The following PHACTR3 variants were observed in gnomAD, a reference collection of about 807,000 sequenced individuals.
The protein encoded by PHACTR3 is protein phosphatase 1, regulatory subunit 123.
A neutral mutation model predicts 66.8 loss-of-function variants in PHACTR3; 16 were observed. The observed-to-expected ratio is 0.24, with a 90% confidence interval of 0.16 to 0.36. The LOEUF is 0.36. Ranked by LOEUF, PHACTR3 falls within the 10% of genes least tolerant of loss-of-function variation. The pLI is 1.00. For missense variants in PHACTR3, 647 were observed against 719.9 expected (o/e 0.90, Z 1.16); for synonymous variants, 323 against 292.1 (o/e 1.11, Z -1.08).
rs2042298910 is a variant in PHACTR3 at position 59,829,805 on chromosome 20, C to T, written c.1329-6700C>T. ...AGGAATTGCTTCTCAATTTCTGCTCCACACTGAGGTGACTTTAGATGTTGA... is the reference window on the plus strand; with the variant it reads ...AGGAATTGCTTCTCAATTTCTGCTCTACACTGAGGTGACTTTAGATGTTGA... On this transcript the variant is annotated intron_variant, in intron 8 of 12. Coordinates refer to ENST00000371015, the MANE Select transcript of PHACTR3 (RefSeq NM_080672.5). The surrounding 1 kb of genome is among the most constrained non-coding windows in gnomAD (Gnocchi z 4.2). 6.6e-6 allele frequency among the ~76,000 whole-genome samples: 1 copy of T among 152,266 alleles called. No homozygotes were observed. Among genetic ancestry groups the T allele is most frequent in the Non-Finnish European group, 1.5e-5 (1 of 68,052 alleles).
intron 1 of PHACTR3, among the ~76,000 whole-genome samples, chr20:59,649,943 G>A (rs2146447234): frequency 6.6e-6 from 1 of 152,228 alleles, no homozygotes. Flanking sequence ...ATTTTTATAA[G>A]TATGGAAATA....
chr20:59,774,322 G>T lies in PHACTR3; in HGVS notation c.1006G>T (p.Gly336Cys). The T allele has an allele frequency of 6.2e-7, 1 of 1,614,188 alleles. No homozygotes were observed. Among genetic ancestry groups the T allele is most frequent in the East Asian group, 2.2e-5 (1 of 44,878 alleles). The change falls in exon 7 of 13, where the codon GGC (glycine) becomes TGC (cysteine). Residue 336 changes from glycine to cysteine, a missense_variant. Coordinates refer to ENST00000371015, the MANE Select transcript of PHACTR3 (RefSeq NM_080672.5). ...GTCGAGAACGTCCAGCGTGGAGCGG[G>T]GCAAGGAGAGGGAGGAGGCTTGGAG... ...RLSRTSSVER[G>C]KEREEAWSFD...
At chr20:59,645,120 T>C (rs2035237630) in intron 1 of PHACTR3, among the ~76,000 whole-genome samples, 1 of 152,132 alleles carries the variant, frequency 6.6e-6, no homozygotes, top group Non-Finnish European at 1.5e-5. Context: ...AGGCAGTATT[T>C]GGTTTTCTAT....
At chr20:59,706,201 G>A (rs2037695736) in intron 1 of PHACTR3, among the ~76,000 whole-genome samples, 1 of 152,184 alleles carries the variant, frequency 6.6e-6, no homozygotes, top group African/African-American at 2.4e-5. Flanking sequence ...CTGGCCTGTA[G>A]TATCTGGATT....
chr20:59,707,007 A>G (rs150307535), intron 1 of PHACTR3, among the ~76,000 whole-genome samples: 16 of 152,364 alleles, frequency 1.1e-4, no homozygotes, highest in African/African-American at 3.6e-4. Context: ...ATTTGCATAA[A>G]GAATCTTTTA....
In PHACTR3 at chr20:59,830,735, C is replaced by A. The variant is rs1260331514; in HGVS notation, c.1329-5770C>A. ...TATTTAGTGTTCTCGACTCTCCCAG[C>A]ATCCCTGTGGGTTTTGTTGGCAGGT... is the stretch of plus-strand genomic sequence containing the variant. On this transcript the variant is annotated intron_variant, in intron 8 of 12. Coordinates refer to ENST00000371015, the MANE Select transcript of PHACTR3 (RefSeq NM_080672.5). The surrounding 1 kb of genome is among the most constrained non-coding windows in gnomAD (Gnocchi z 5.8). 6.6e-6 allele frequency among the ~76,000 whole-genome samples: 1 copy of A among 152,182 alleles called. No individual in the cohort carries two copies. Among genetic ancestry groups the A allele is most frequent in the Non-Finnish European group, 1.5e-5 (1 of 68,028 alleles).
chr20:59,609,570 G>A (rs933322005), intron 1 of PHACTR3, among the ~76,000 whole-genome samples: 5 of 144,394 alleles, frequency 3.5e-5, no homozygotes, highest in African/African-American at 5.2e-5. Context: ...TCCTCTTACC[G>A]GTTTTCCTGC....
At chr20:59,585,871 A>G (rs936471503) in intron 1 of PHACTR3, among the ~76,000 whole-genome samples, 5 of 152,164 alleles carry the variant, frequency 3.3e-5, no homozygotes, top group Non-Finnish European at 7.4e-5. Flanking sequence ...ATTTAGCAAC[A>G]TTATCTCTGT....
chr20:59,659,579 G>A (rs1379854431), intron 1 of PHACTR3, among the ~76,000 whole-genome samples: 1 of 151,922 alleles, frequency 6.6e-6, no homozygotes, highest in Non-Finnish European at 1.5e-5. Flanking sequence ...CACCATATTG[G>A]CTAGGATGAT....
At chr20:59,661,407 G>C (rs1166184018) in intron 1 of PHACTR3, among the ~76,000 whole-genome samples, 4 of 152,134 alleles carry the variant, frequency 2.6e-5, no homozygotes, top group Non-Finnish European at 5.9e-5. Context: ...ACGTCTCAGA[G>C]GCTGCATCCT....
At chr20:59,825,553 G>C (rs6027140) in intron 8 of PHACTR3, among the ~76,000 whole-genome samples, 1 of 152,018 alleles carries the variant, frequency 6.6e-6, no homozygotes, top group East Asian at 1.9e-4. Context: ...TCTTACCATT[G>C]AGGTACTCAA....
intron 1 of PHACTR3, chr20:59,626,872 C>T (rs2146380444): frequency 6.6e-6 from 1 of 152,338 alleles, no homozygotes. Context: ...TCAGCTGTGG[C>T]TTCAATCAAC....
At chr20:59,775,945 C>G (rs1182488) in intron 7 of PHACTR3, among the ~76,000 whole-genome samples, 89,742 of 152,114 alleles carry the variant, frequency 0.59, 28,975 homozygotes, top group Non-Finnish European at 0.71. Flanking sequence ...TCCCTGGCCT[C>G]TCCACACTGG....
chr20:59,594,760 T>G (rs1334263516), intron 1 of PHACTR3, among the ~76,000 whole-genome samples: 1 of 152,236 alleles, frequency 6.6e-6, no homozygotes, highest in Non-Finnish European at 1.5e-5. Flanking sequence ...ATTGATTTTC[T>G]TTATTGATTT....
chr20:59,833,834 G>A (rs2042453026), intron 8 of PHACTR3, among the ~76,000 whole-genome samples: 1 of 152,212 alleles, frequency 6.6e-6, no homozygotes. Flanking sequence ...GGGTGCAATG[G>A]GCAGCACAGT....
At chr20:59,620,463 G>A (rs1350401166) in intron 1 of PHACTR3, among the ~76,000 whole-genome samples, 1 of 152,218 alleles carries the variant, frequency 6.6e-6, no homozygotes, top group African/African-American at 2.4e-5. Flanking sequence ...CGCCAATGTG[G>A]AACAGTTCCT....
intron 1 of PHACTR3, among the ~76,000 whole-genome samples, chr20:59,638,699 T>C (rs948473182): frequency 2.5e-4 from 33 of 131,690 alleles, no homozygotes; most frequent in Non-Finnish European, 4.6e-4. Context: ...GATAGGTGGG[T>C]GGAGGGATGG....
At chr20:59,801,366 C>T (rs1274240723) in intron 7 of PHACTR3, among the ~76,000 whole-genome samples, 1 of 152,170 alleles carries the variant, frequency 6.6e-6, no homozygotes, top group Non-Finnish European at 1.5e-5. Context: ...CGGTTTTATA[C>T]ATTTTGACTT....
intron 8 of PHACTR3, among the ~76,000 whole-genome samples, chr20:59,827,575 A>C (rs2042229717): frequency 6.6e-6 from 1 of 152,112 alleles, no homozygotes; most frequent in South Asian, 2.1e-4. Flanking sequence ...AGGTGAGACC[A>C]TGGAGGTGCA....
Sources: allele counts gnomAD v4.1 joint callset (sites outside exome capture counted in the v4.1 genomes callset), GRCh38; gene constraint gnomAD v4.1.1; non-coding constraint Gnocchi (gnomAD v3.1); transcripts MANE v1.5; gene names NCBI Gene and HGNC (gene_info 2026-07-23, HGNC 2026-07-21).